The following CCDC144A variants were observed in gnomAD, a reference collection of about 807,000 sequenced individuals.
The protein encoded by CCDC144A is coiled-coil domain-containing protein 144A.
In CCDC144A, 41 loss-of-function variants were observed where a neutral mutation model predicts 143.8. That is an observed-to-expected ratio of 0.29 (90% CI 0.22 to 0.37). The LOEUF is 0.37. Ranked by LOEUF, CCDC144A falls within the 10% of genes least tolerant of loss-of-function variation. CCDC144A has a pLI of 1.00. For synonymous variants in CCDC144A, 242 were observed against 517.9 expected, an observed-to-expected ratio of 0.47 and a Z score of 7.23; for missense variants, 637 against 1,488.8, an observed-to-expected ratio of 0.43 and a Z score of 9.41.
At chr17:16,704,154 T>TA (rs1911904203) in intron 2 of CCDC144A, among the ~76,000 whole-genome samples, 1 of 152,096 alleles carries the variant, frequency 6.6e-6, no homozygotes, top group Non-Finnish European at 1.5e-5. Flanking sequence ...TCACTTGTCT[T>TA]AAAAAATTTA....
At chr17:16,730,845 TG>T (rs1567598007) in intron 9 of CCDC144A, among the ~76,000 whole-genome samples, 1 of 143,218 alleles carries the variant, frequency 7.0e-6, no homozygotes, top group Non-Finnish European at 1.5e-5. Context: ...ACATTGATTT[TG>T]TAACATGAGA....
intron 15 of CCDC144A, among the ~76,000 whole-genome samples, chr17:16,771,521 A>G (rs1915823293): frequency 6.6e-6 from 1 of 152,270 alleles, no homozygotes; most frequent in African/African-American, 2.4e-5. Context: ...ATTAATAGCA[A>G]AGAACATACT....
rs559881410 is a variant in CCDC144A at position 16,704,998 on chromosome 17, A to G, written c.416-153A>G. On this transcript the variant is annotated intron_variant, in intron 2 of 16. Coordinates refer to ENST00000399273, the MANE Select transcript of CCDC144A (RefSeq NM_001382000.1). ...TACCTGAATGAATTGTAAGCATAGG[A>G]CATGTAAAATATAATAAGCCTGAAT... is the stretch of plus-strand genomic sequence containing the variant. Among the ~76,000 whole-genome samples the G allele has an allele frequency of 3.8e-3, 576 of 152,354 alleles. 6 individuals carry two copies. Among genetic ancestry groups the G allele is most frequent in the African/African-American group, 0.013 (548 of 41,570 alleles).
intron 6 of CCDC144A, among the ~76,000 whole-genome samples, chr17:16,715,341 G>T (rs1374894173): frequency 2.6e-5 from 4 of 151,126 alleles, no homozygotes; most frequent in African/African-American, 4.9e-5. Context: ...AAAGAAAAAG[G>T]TTTCACATGG....
rs779001773 is a variant in CCDC144A at position 16,711,647 on chromosome 17, C to G, written c.1579-32C>G. The G allele has an allele frequency of 1.6e-4, 257 of 1,610,056 alleles. 2 individuals are homozygous for G. In the South Asian group the frequency reaches 2.6e-3, roughly 16 times the overall value. ...TTCTTTGTATTGAATAAAGCAATAA[C>G]AATCATCCTGAACATCAAACTCTCA... On this transcript the variant is annotated intron_variant, in intron 5 of 16. Coordinates refer to ENST00000399273, the MANE Select transcript of CCDC144A (RefSeq NM_001382000.1).
the CCDC144A span, among the ~76,000 whole-genome samples, chr17:16,681,113 C>T: frequency 6.6e-6 from 1 of 151,804 alleles, no homozygotes; most frequent in Non-Finnish European, 1.5e-5. Context: ...AAAAAGTATT[C>T]AGGGATAAAG....
the CCDC144A span, among the ~76,000 whole-genome samples, chr17:16,670,806 G>A: frequency 4.8e-4 from 73 of 151,912 alleles, 1 homozygote; most frequent in Middle Eastern, 3.4e-3. Flanking sequence ...ACCATCCCCC[G>A]CCCTCTATAA....
chr17:16,770,367 T>A (rs570221639), intron 15 of CCDC144A, among the ~76,000 whole-genome samples: 20 of 152,314 alleles, frequency 1.3e-4, no homozygotes, highest in Admixed American at 5.2e-4. Context: ...GCCAGGATGG[T>A]CTTGATCTTC....
rs2928657 is a variant in CCDC144A at position 16,690,488 on chromosome 17, G to A, written c.88G>A (p.Gly30Arg). Reference protein sequence around the residue: ...VYATRKTPSVGSQGDQWYLGY... With the variant: ...VYATRKTPSVRSQGDQWYLGY... ...CGCCACGAGGAAGACCCCTAGCGTC[G>A]GGAGCCAGGGGGACCAGTGGTACTT... The change falls in exon 1 of 17, where the codon GGG becomes AGG. Residue 30 changes from glycine to arginine, a missense_variant. Coordinates refer to ENST00000399273, the MANE Select transcript of CCDC144A (RefSeq NM_001382000.1). 1.6e-5 allele frequency: 26 copies of A among 1,613,314 alleles called. No individual in the cohort carries two copies. Among genetic ancestry groups the A allele is most frequent in the East Asian group, 8.9e-5 (4 of 44,868 alleles).
chr17:16,734,562 T>C (rs1233517849), intron 11 of CCDC144A, 128 bp from the exon 12 acceptor site: 3 of 672,014 alleles, frequency 4.5e-6, no homozygotes, highest in African/African-American at 1.8e-5. Context: ...GAAGTTTCGA[T>C]AGAATATTTT....
upstream of CCDC144A, among the ~76,000 whole-genome samples, chr17:16,685,475 G>A (rs139902629): frequency 2.7e-3 from 409 of 151,616 alleles, 3 homozygotes; most frequent in African/African-American, 9.6e-3. Context: ...CCGCCTCCTG[G>A]GTTCAAGTGA....
At chr17:16,682,883 G>GTTTTTTTTTTTTTTTTTT in the CCDC144A span, among the ~76,000 whole-genome samples, 11 of 46,456 alleles carry the variant, frequency 2.4e-4, 3 homozygotes, top group Non-Finnish European at 5.1e-4. Flanking sequence ...TGGATTCTCT[G>GTTTTTTTTTTTTTTTTTT]TTTTTTTTTT....
In CCDC144A at chr17:16,722,940, C is replaced by T. The variant is rs566681441; in HGVS notation, c.1891+2282C>T. ...TCTTGAGAAACTGGTTACATTTTTA[C>T]GTCCATGTTCATGAGGGAGTTTTCT... On this transcript the variant is annotated intron_variant, in intron 8 of 16. Transcript: ENST00000399273. Among the ~76,000 whole-genome samples, 3 of 152,266 alleles carry T rather than the reference C, an allele frequency of 2.0e-5. No individual in the cohort carries two copies. The South Asian group carries it at 6.2e-4, about 32-fold the overall frequency.
chr17:16,676,047 C>T, the CCDC144A span, among the ~76,000 whole-genome samples: 10 of 152,042 alleles, frequency 6.6e-5, no homozygotes, highest in East Asian at 1.7e-3. Context: ...TGCGCCCGGC[C>T]CACGCAGGGA....
intron 12 of CCDC144A, among the ~76,000 whole-genome samples, chr17:16,754,779 G>A (rs1914995651): frequency 6.6e-6 from 1 of 152,228 alleles, no homozygotes; most frequent in East Asian, 1.9e-4. Context: ...ATGTTTCTTT[G>A]TTGATTTTCT....
the CCDC144A span, chr17:16,683,790 C>T: frequency 3.5e-6 from 5 of 1,447,532 alleles, no homozygotes; most frequent in Admixed American, 6.8e-5. Context: ...CACATGAAGC[C>T]GAGCGTGAAG....
intron 6 of CCDC144A, among the ~76,000 whole-genome samples, chr17:16,713,579 C>T (rs1277738182): frequency 2.6e-5 from 4 of 152,256 alleles, no homozygotes; most frequent in African/African-American, 7.2e-5. Context: ...GCAAGAAATA[C>T]TTCTCCTGAA....
At position 16,762,384 on chromosome 17, in the gene CCDC144A, G is replaced by A. The variant is rs201355748; in HGVS notation, c.3738G>A (p.Gln1246=). The A allele has an allele frequency of 1.5e-3, 2,341 of 1,594,874 alleles. No homozygotes were observed. The East Asian group carries it at 0.031, about 21-fold the overall frequency. ...ATAATACTACTTCAATAAAAACTCA[G>A]ATGGAACTCACAATCAAAGATCTGG... The part of the protein sequence containing the change: ...REDNTTSIKT[Q]MELTIKDLES... The change falls in exon 14 of 17, where the codon CAG becomes CAA. Residue 1246 remains glutamine (Q), a synonymous_variant. Coordinates refer to ENST00000399273, the MANE Select transcript of CCDC144A (RefSeq NM_001382000.1).
chr17:16,769,370 G>C (rs563204806), intron 15 of CCDC144A, among the ~76,000 whole-genome samples: 40 of 152,374 alleles, frequency 2.6e-4, no homozygotes, highest in South Asian at 1.7e-3. Context: ...ATCATTTATG[G>C]CTGGATTTAA....
Sources: gnomAD v4.1 joint callset for allele counts (sites outside exome capture counted in the v4.1 genomes callset) on GRCh38, gnomAD v4.1.1 for gene constraint, MANE v1.5 for transcripts, NCBI Gene and HGNC (gene_info 2026-07-23, HGNC 2026-07-21) for gene names.